The following SCD5 variants were observed in gnomAD, a reference collection of about 807,000 sequenced individuals.
SCD5 encodes acyl-CoA-desaturase 4.
In SCD5, 20 loss-of-function variants were observed where a neutral mutation model predicts 30.4. The ratio of observed to expected loss-of-function variants is 0.66; its 90% confidence interval spans 0.46 to 0.96. The LOEUF is 0.96. SCD5 is among the 40% of genes least tolerant of loss of function. The pLI, the probability that SCD5 is intolerant of heterozygous loss-of-function variation, is 0.00. For synonymous variants in SCD5, 173 were observed against 176.4 expected (o/e 0.98, Z 0.16); for missense variants, 381 against 443.3 (o/e 0.86, Z 1.26).
chr4:82,771,701 C>A lies in SCD5; in HGVS notation c.232+26605G>T, dbSNP rs578163770. ...CTGCCTCCTGAATCCCTTCATTAAC[C>A]CTGGCAGGCCACTACCGACCAGCTT... On this transcript the variant is annotated intron_variant, in intron 1 of 4. Transcript: ENST00000319540. Among the ~76,000 whole-genome samples the A allele has an allele frequency of 3.3e-5, 5 of 152,306 alleles. No homozygotes were observed. The East Asian group carries it at 9.7e-4, about 29-fold the overall frequency.
chr4:82,634,859 A>T (rs528462647), intron 4 of SCD5, among the ~76,000 whole-genome samples: 7 of 152,354 alleles, frequency 4.6e-5, no homozygotes, highest in Admixed American at 3.9e-4. Flanking sequence ...AGGAGGGGAA[A>T]GCCATAGGAA....
intron 1 of SCD5, among the ~76,000 whole-genome samples, chr4:82,768,672 T>C (rs574763319): frequency 8.5e-5 from 13 of 152,314 alleles, no homozygotes; most frequent in African/African-American, 2.4e-5. Context: ...TGGAGGTATG[T>C]GTGGCGTCTT....
At chr4:82,757,318 C>T (rs373916081) in intron 1 of SCD5, among the ~76,000 whole-genome samples, 7 of 152,094 alleles carry the variant, frequency 4.6e-5, no homozygotes, top group East Asian at 3.9e-4. Context: ...CCCAGGACCC[C>T]GAACCCAGGA....
intron 4 of SCD5, among the ~76,000 whole-genome samples, 168 bp from the exon 5 acceptor site, chr4:82,631,685 A>C (rs1727298240): frequency 6.6e-6 from 1 of 152,252 alleles, no homozygotes. Flanking sequence ...AGTTAGCTAG[A>C]CAAACAATAT....
intron 3 of SCD5, among the ~76,000 whole-genome samples, chr4:82,647,561 T>G (rs2148813920): frequency 6.6e-6 from 1 of 152,326 alleles, no homozygotes; most frequent in African/African-American, 2.4e-5. Flanking sequence ...ATGACCCTTG[T>G]GCACAACAAT....
intron 1 of SCD5, among the ~76,000 whole-genome samples, chr4:82,796,761 T>C (rs2148855994): frequency 6.6e-6 from 1 of 152,286 alleles, no homozygotes; most frequent in Admixed American, 6.5e-5. Flanking sequence ...AGAGAGGAGC[T>C]TGTTGGAGAA....
In SCD5 at chr4:82,705,339, G is replaced by T; in HGVS notation, c.307C>A (p.Arg103=). The T allele has an allele frequency of 1.9e-6, 3 of 1,614,230 alleles. No individual in the cohort carries two copies. The South Asian group carries it at 3.3e-5, about 18-fold the overall frequency. Residue 103 remains arginine (R), a synonymous_variant, in exon 2 of 5, where the codon CGG becomes AGG. Coordinates refer to ENST00000319540, the MANE Select transcript of SCD5 (RefSeq NM_001037582.3). ...AHRLWSHRSY[R]AKLPLRIFLA... is the part of the protein sequence containing the mutation. ...AATATCCTCAGAGGCAGCTTGGCCC[G>T]GTAGGACCTGTGGCTCCACAAGCGA...
chr4:82,758,066 G>A (rs539519474), intron 1 of SCD5, among the ~76,000 whole-genome samples: 10 of 152,294 alleles, frequency 6.6e-5, no homozygotes, highest in African/African-American at 2.2e-4. Context: ...GCATCTCTGT[G>A]AGGAATAAGT....
intron 2 of SCD5, chr4:82,698,173 C>T (rs1719737507): frequency 2.2e-6 from 1 of 455,482 alleles, no homozygotes; most frequent in Non-Finnish European, 4.4e-6. Context: ...AAAAGTTGTG[C>T]ATCTGAAGCT....
intron 3 of SCD5, among the ~76,000 whole-genome samples, chr4:82,653,347 C>G (rs1727795166): frequency 6.6e-6 from 1 of 152,100 alleles, no homozygotes; most frequent in Admixed American, 6.6e-5. Flanking sequence ...AATGCATTAT[C>G]ATATTAAATA....
At chr4:82,673,199 G>T (rs769459363) in intron 3 of SCD5, among the ~76,000 whole-genome samples, 2 of 151,998 alleles carry the variant, frequency 1.3e-5, no homozygotes, top group African/African-American at 4.8e-5. Flanking sequence ...AAGATATATC[G>T]ATTGGGAAGG....
intron 1 of SCD5, among the ~76,000 whole-genome samples, chr4:82,771,648 C>T (rs541598229): frequency 6.8e-6 from 1 of 146,716 alleles, no homozygotes; most frequent in South Asian, 2.2e-4. Flanking sequence ...CAGCCACAGA[C>T]CACATGGTCC....
intron 3 of SCD5, chr4:82,660,950 G>GTT: frequency 6.2e-7 from 1 of 1,614,222 alleles, no homozygotes; most frequent in Non-Finnish European, 8.5e-7. Flanking sequence ...CAATGAGTAT[G>GTT]TAACAAAGCT....
chr4:82,753,570 T>C (rs1721154699), intron 1 of SCD5: 10 of 392,476 alleles, frequency 2.5e-5, no homozygotes, highest in Non-Finnish European at 4.7e-5. Context: ...AGAATGTTCA[T>C]AGGGTGTCAC....
At chr4:82,787,598 T>C (rs1315327922) in intron 1 of SCD5, among the ~76,000 whole-genome samples, 1 of 152,240 alleles carries the variant, frequency 6.6e-6, no homozygotes, top group East Asian at 1.9e-4. Context: ...TCTGAATGTT[T>C]GTCTTCCCTC....
At chr4:82,696,458 G>C (rs1027803245) in intron 2 of SCD5, among the ~76,000 whole-genome samples, 7 of 152,170 alleles carry the variant, frequency 4.6e-5, no homozygotes, top group African/African-American at 1.7e-4. Context: ...CTAACAGAAG[G>C]CCTCACTGTG....
chr4:82,714,705 T>C (rs529460038), intron 1 of SCD5, among the ~76,000 whole-genome samples: 1 of 152,262 alleles, frequency 6.6e-6, no homozygotes, highest in Admixed American at 6.5e-5. Flanking sequence ...TGTTCTAAAA[T>C]TTGAGATTTT....
chr4:82,731,007 C>T (rs1412354551), intron 1 of SCD5, among the ~76,000 whole-genome samples: 1 of 152,196 alleles, frequency 6.6e-6, no homozygotes, highest in Non-Finnish European at 1.5e-5. Context: ...TTGGGGTACA[C>T]AGGAAACCCC....
chr4:82,676,966 C>T (rs1035239114), intron 3 of SCD5, among the ~76,000 whole-genome samples: 4 of 152,196 alleles, frequency 2.6e-5, no homozygotes, highest in African/African-American at 9.7e-5. Context: ...GTGTTGCTTT[C>T]CTGCTCCTAC....
Sources: gnomAD v4.1 joint callset for allele counts (sites outside exome capture counted in the v4.1 genomes callset) on GRCh38, gnomAD v4.1.1 for gene constraint, MANE v1.5 for transcripts, NCBI Gene and HGNC (gene_info 2026-07-23, HGNC 2026-07-21) for gene names.